The following PNLDC1 variants were observed in gnomAD, a reference collection of about 807,000 sequenced individuals.
PNLDC1 encodes PARN like ribonuclease domain containing exonuclease 1, also known as poly(A)-specific ribonuclease PNLDC1.
In PNLDC1, 70 loss-of-function variants were observed where a neutral mutation model predicts 82.0. The observed-to-expected ratio is 0.85, with a 90% CI of 0.70 to 1.04. The LOEUF is 1.04. PNLDC1 is among the 50% of genes least tolerant of loss of function. PNLDC1 has a pLI of 0.00. For synonymous variants in PNLDC1, 280 were observed against 249.3 expected, an observed-to-expected ratio of 1.12 and a Z score of -1.16; for missense variants, 631 against 661.1, an observed-to-expected ratio of 0.95 and a Z score of 0.50.
intron 7 of PNLDC1, among the ~76,000 whole-genome samples, chr6:159,806,367 A>G (rs548412814): frequency 8.5e-5 from 13 of 152,272 alleles, no homozygotes; most frequent in African/African-American, 2.9e-4. Context: ...GCCCTGTATT[A>G]TCTTGACTTT....
upstream of PNLDC1, chr6:159,800,241 G>C (rs553237171): frequency 5.3e-5 from 77 of 1,454,736 alleles, no homozygotes; most frequent in Admixed American, 1.5e-4. Context: ...GCGGCGCGAC[G>C]GAAGCGCGTG....
At chr6:159,802,843 A>G (rs1249851085) in intron 3 of PNLDC1, among the ~76,000 whole-genome samples, 2 of 151,108 alleles carry the variant, frequency 1.3e-5, no homozygotes, top group Non-Finnish European at 2.9e-5. Context: ...TAGGTCTCCC[A>G]AAGTGTTGGG....
At chr6:159,810,324 A>T (rs994097551) in intron 10 of PNLDC1, among the ~76,000 whole-genome samples, 1 of 152,210 alleles carries the variant, frequency 6.6e-6, no homozygotes, top group African/African-American at 2.4e-5. Context: ...ATTTGAATTG[A>T]TACCCCTCTC....
chr6:159,802,745 G>A (rs553429569), intron 3 of PNLDC1, among the ~76,000 whole-genome samples: 1 of 152,178 alleles, frequency 6.6e-6, no homozygotes, highest in East Asian at 1.9e-4. Context: ...ACCACACCTA[G>A]CTAATTTTTG....
intron 14 of PNLDC1, 129 bp from the exon 15 acceptor site, chr6:159,816,980 G>T (rs1395800462): frequency 3.1e-6 from 3 of 957,786 alleles, no homozygotes; most frequent in Admixed American, 2.0e-5. Flanking sequence ...CTTACTTTTT[G>T]TTGGCAGTAT....
intron 10 of PNLDC1, among the ~76,000 whole-genome samples, chr6:159,811,371 G>A (rs569162998): frequency 6.6e-6 from 1 of 152,072 alleles, no homozygotes; most frequent in Non-Finnish European, 1.5e-5. Flanking sequence ...ATTTACAAAT[G>A]ATATCATGTC....
rs779668301 is a variant in PNLDC1, at chr6:159,809,151, C to T, written c.776C>T (p.Ala259Val). ...GTCTTTTTCCAAATGCTGGTGAAAGCCCAGAAGGTAGGAAAACATGTCTCT... is the reference window on the plus strand; with the variant it reads ...GTCTTTTTCCAAATGCTGGTGAAAGTCCAGAAGGTAGGAAAACATGTCTCT... ...FSVFFQMLVK[A>V]QKPLVGHNMM... The change falls in exon 9 of 19, where the codon GCC becomes GTC. Residue 259 changes from alanine to valine, a missense_variant. By Grantham distance (64) the Ala-to-Val change is moderately conservative. Transcript: ENST00000392167. The T allele has an allele frequency of 6.2e-7, 1 of 1,613,808 alleles. No homozygotes were observed. Among genetic ancestry groups the T allele is most frequent in the East Asian group, 2.2e-5 (1 of 44,890 alleles).
Position 159,806,007 on chromosome 6 carries a change from G to T in PNLDC1, c.486G>T (p.Lys162Asn). The T allele has an allele frequency of 6.2e-7, 1 of 1,614,174 alleles. No individual in the cohort carries two copies. The highest frequency in any genetic ancestry group is 1.1e-5 in the South Asian group (1 of 91,088). ...VRSSPDKDQI[K>N]VVIDEVTRWL... is the part of the protein sequence containing the mutation. ...GCTCTCCGGATAAAGACCAAATCAA[G>T]GTGGTGATTGACGAAGTGACGCGGT... The change falls in exon 7 of 19, where the codon AAG (lysine) becomes AAT (asparagine). Residue 162 changes from lysine (K) to asparagine (N), a missense_variant. Coordinates refer to ENST00000392167, the MANE Select transcript of PNLDC1 (RefSeq NM_001271862.2).
chr6:159,802,868 C>G (rs12524764), intron 3 of PNLDC1, among the ~76,000 whole-genome samples: 71,766 of 151,902 alleles, frequency 0.47, 17,985 homozygotes, highest in Non-Finnish European at 0.55. Context: ...CAGGCATAAG[C>G]CACCGCACCT....
At position 159,800,285 on chromosome 6, in the gene PNLDC1, C is replaced by A. The variant is rs979497128; in HGVS notation, c.-23C>A. The A allele has an allele frequency of 6.5e-7, 1 of 1,539,424 alleles. No individual in the cohort carries two copies. The highest frequency in any genetic ancestry group is 8.8e-7 in the Non-Finnish European group (1 of 1,139,976). On this transcript the variant is annotated 5_prime_UTR_variant, in exon 1 of 19. Transcript: ENST00000392167. The stretch of plus-strand genomic sequence containing the variant: ...GTGGGCAGCACGTGATAGCGCTGGG[C>A]GACTCCGCGGAGCTGCACGGCCATG...
At chr6:159,806,231 C>G in intron 7 of PNLDC1, 148 bp downstream of exon 7, 2 of 665,106 alleles carry the variant, frequency 3.0e-6, no homozygotes. Flanking sequence ...TTGGCGGTTA[C>G]GGAGTCTTTG....
In PNLDC1 at chr6:159,808,807, A is replaced by G; in HGVS notation, c.630A>G (p.Lys210=). Residue 210 remains lysine (K), a synonymous_variant, in exon 8 of 19, where the codon AAA becomes AAG. Transcript: ENST00000392167. ...QALPNIWTVL[K]DEGVVVKKVS... ...TCCCCAACATCTGGACGGTGCTGAA[A>G]GATGAGGGGGTGAGTTCTCACTGCG... 1 of 1,614,146 alleles carries G rather than the reference A, an allele frequency of 6.2e-7. No homozygotes were observed. Among genetic ancestry groups the G allele is most frequent in the Non-Finnish European group, 8.5e-7 (1 of 1,179,992 alleles).
At chr6:159,804,794 G>C (rs1408862046) in intron 6 of PNLDC1, among the ~76,000 whole-genome samples, 157 bp downstream of exon 6, 1 of 152,226 alleles carries the variant, frequency 6.6e-6, no homozygotes, top group Non-Finnish European at 1.5e-5. Context: ...CTCTCCCTGT[G>C]CCCCAACTGA....
chr6:159,810,970 A>C (rs951624802), intron 10 of PNLDC1, among the ~76,000 whole-genome samples: 8 of 152,234 alleles, frequency 5.3e-5, no homozygotes, highest in Non-Finnish European at 8.8e-5. Flanking sequence ...AAGTCATTGT[A>C]GCCACCACAG....
Position 159,816,578 on chromosome 6 carries a change from G to A in PNLDC1, c.1096G>A (p.Ala366Thr). 1 of 1,613,486 alleles carries A rather than the reference G, an allele frequency of 6.2e-7. No homozygotes were observed. Residue 366 changes from alanine (A) to threonine (T), a missense_variant, in exon 14 of 19, where the codon GCC (alanine) becomes ACC (threonine). Transcript: ENST00000392167. ...TKCPHEAAYD[A>T]FLCGSVLLKV... ...GTGCCCCCACGAAGCCGCGTATGAT[G>A]CCTTCCTCTGTGGGTCAGGTAAGGA...
rs142544424 is a variant in PNLDC1, at chr6:159,811,859, G to T, written c.939+73G>T. 1.3e-3 allele frequency: 1,492 copies of T among 1,167,346 alleles called. 18 individuals are homozygous for T. In the African/African-American group the frequency reaches 0.021, roughly 17 times the overall value. The allele number at this position is 1,167,346 out of a possible 1,614,324, so 72.3% of individuals were successfully genotyped here. On this transcript the variant is annotated intron_variant, in intron 11 of 18. Coordinates refer to ENST00000392167, the MANE Select transcript of PNLDC1 (RefSeq NM_001271862.2). ...GTAACACTTAGCTTTCTCTTGTGGG[G>T]TTTTTTTCTTGTGTTTTTTTGTTTT...
Position 159,808,749 on chromosome 6 carries a change from C to T in PNLDC1, c.572C>T (p.Ala191Val). Reference sequence around the variant, plus strand: ...TGTTTCCCTGCTGCAGGCTTCCAGGCCTTTGAGGTCCAACTGGTGCTGAGG... The same window carrying T: ...TGTTTCCCTGCTGCAGGCTTCCAGGTCTTTGAGGTCCAACTGGTGCTGAGG... Reference protein sequence around the residue: ...MTLPGITGFQAFEVQLVLRQA... With the variant: ...MTLPGITGFQVFEVQLVLRQA... Residue 191 changes from alanine to valine, a missense_variant, in exon 8 of 19, where the codon GCC (alanine) becomes GTC (valine). Transcript: ENST00000392167. 6.2e-7 allele frequency: 1 copy of T among 1,613,652 alleles called. No individual in the cohort carries two copies. Among genetic ancestry groups the T allele is most frequent in the Non-Finnish European group, 8.5e-7 (1 of 1,179,842 alleles).
At chr6:159,818,455 G>A (rs990369701) in intron 15 of PNLDC1, 100 bp from the exon 16 acceptor site, 1 of 1,069,314 alleles carries the variant, frequency 9.4e-7, no homozygotes, top group Non-Finnish European at 1.4e-6. Flanking sequence ...AGCCGTCCGA[G>A]GGAGTGTCCT....
At chr6:159,806,887 CCTT>C (rs1314497182) in intron 7 of PNLDC1, among the ~76,000 whole-genome samples, 2 of 118,016 alleles carry the variant, frequency 1.7e-5, no homozygotes, top group Non-Finnish European at 3.4e-5. Flanking sequence ...GAATTAGCTG[CCTT>C]TTTTTTTTTT....
Sources: gnomAD v4.1 joint callset for allele counts (sites outside exome capture counted in the v4.1 genomes callset) on GRCh38, gnomAD v4.1.1 for gene constraint, MANE v1.5 for transcripts, NCBI Gene and HGNC (gene_info 2026-07-23, HGNC 2026-07-21) for gene names.